Variants in CPZ observed in about 807,000 individuals in gnomAD.
CPZ encodes VEZT/CPZ fusion.
A neutral mutation model predicts 61.8 loss-of-function variants in CPZ; 103 were observed. The ratio of observed to expected loss-of-function variants is 1.67; its 90% CI spans 1.42 to 1.96. The LOEUF is 1.96. Among genes scored for constraint, CPZ ranks in the 30% most tolerant of loss-of-function variants. The pLI is 0.00. For synonymous variants in CPZ, 551 were observed against 373.7 expected (o/e 1.47, Z -5.47); for missense variants, 1,461 against 914.9 (o/e 1.60, Z -7.70).
rs966095892 is a variant in CPZ at position 8,598,139 on chromosome 4, C to T, written c.89-1314C>T. ...TTGTCATCTGTGATGAGGATGGAAACGGGAGCTCTCCTAGGAGTGCCTGGT... is the reference window on the plus strand; with the variant it reads ...TTGTCATCTGTGATGAGGATGGAAATGGGAGCTCTCCTAGGAGTGCCTGGT... On this transcript the variant is annotated intron_variant, in intron 1 of 10. Transcript: ENST00000360986. 3.9e-5 allele frequency among the ~76,000 whole-genome samples: 6 copies of T among 152,316 alleles called. No homozygotes were observed. In the South Asian group the frequency reaches 6.2e-4, roughly 16 times the overall value.
intron 7 of CPZ, among the ~76,000 whole-genome samples, chr4:8,609,150 AC>A (rs1715361861): frequency 1.4e-5 from 2 of 142,492 alleles, no homozygotes; most frequent in African/African-American, 2.8e-5. Context: ...TCATTCACCC[AC>A]TCCCTCACTC....
chr4:8,613,341 A>G (rs1334890911), intron 8 of CPZ, among the ~76,000 whole-genome samples: 1 of 152,180 alleles, frequency 6.6e-6, no homozygotes, highest in Non-Finnish European at 1.5e-5. Flanking sequence ...CATGTTGGCC[A>G]GGATGGTCTT....
intron 7 of CPZ, chr4:8,611,212 T>A (rs1318785769): frequency 2.2e-6 from 1 of 456,032 alleles, no homozygotes; most frequent in Non-Finnish European, 4.4e-6. Context: ...GGGGCCCTGA[T>A]GAGCTCATGC....
intron 7 of CPZ, among the ~76,000 whole-genome samples, chr4:8,611,478 C>T (rs1447282938): frequency 6.6e-6 from 1 of 152,068 alleles, no homozygotes; most frequent in Non-Finnish European, 1.5e-5. Flanking sequence ...GCAGTGGAAG[C>T]TGGAGGGTGG....
At chr4:8,614,254 G>A in intron 8 of CPZ, 105 bp from the exon 9 acceptor site, 1 of 1,468,838 alleles carries the variant, frequency 6.8e-7, no homozygotes, top group Non-Finnish European at 9.1e-7. Flanking sequence ...CTGCGCGGCT[G>A]ACACCCCGGC....
chr4:8,600,045 T>C (rs1055435210), intron 2 of CPZ: 8 of 152,446 alleles, frequency 5.2e-5, no homozygotes, highest in African/African-American at 1.9e-4. Flanking sequence ...GGGCATCTGG[T>C]GTATTCTAAG....
rs148255974 is a variant in CPZ, at chr4:8,614,490, G to A, written c.1495G>A (p.Val499Met). Residue 499 changes from valine to methionine, a missense_variant, in exon 9 of 11, where the codon GTG becomes ATG. Physicochemically the swap from Val to Met is conservative, Grantham distance 21 (BLOSUM62 1). Coordinates refer to ENST00000360986, the MANE Select transcript of CPZ (RefSeq NM_001014447.3). ...QHNKESLLNF[V>M]ETVHRGIKGV... ...CAACAAGGAGTCACTCCTGAATTTC[G>A]TGGAGACGGTGAGTTCTGACGGTCT... is the stretch of plus-strand genomic sequence containing the variant. 2.8e-5 allele frequency: 45 copies of A among 1,613,252 alleles called. No homozygotes were observed. Among genetic ancestry groups the A allele is most frequent in the Middle Eastern group, 1.6e-4 (1 of 6,082 alleles).
chr4:8,597,235 TCACA>T lies in CPZ; in HGVS notation c.89-2215_89-2212del, dbSNP rs3834230. 2.6e-4 allele frequency among the ~76,000 whole-genome samples: 39 copies of T among 152,318 alleles called. No individual in the cohort carries two copies. In the East Asian group the frequency reaches 7.1e-3, roughly 28 times the overall value. The stretch of plus-strand genomic sequence containing the variant: ...TCAGGGCCCTGCACAGGATGGGTGC[TCACA>T]CAGGGCCCTGTGTGGATGCCAGCCT... On this transcript the variant is annotated intron_variant, in intron 1 of 10. Transcript: ENST00000360986.
rs111984893 is a variant in CPZ at position 8,617,953 on chromosome 4, C to T, written c.1504-476C>T. 1,046 of 166,468 alleles carry T rather than the reference C, an allele frequency of 6.3e-3. 15 individuals carry two copies. Among genetic ancestry groups the T allele is most frequent in the African/African-American group, 0.024 (1,008 of 41,808 alleles). 10.3% of individuals were successfully genotyped at this position (166,468 alleles called of 1,614,324 possible). A position where few individuals can be genotyped will look rare whatever the true frequency, so the allele number is the denominator to read the frequency against. ...CCAGGCAAGCAGTAAGAAGGCAGGG[C>T]GTGTTATACACGTGTACGATGAAGA... On this transcript the variant is annotated intron_variant, in intron 9 of 10. Coordinates refer to ENST00000360986, the MANE Select transcript of CPZ (RefSeq NM_001014447.3).
chr4:8,616,393 C>T (rs931190821), intron 9 of CPZ, among the ~76,000 whole-genome samples: 1 of 152,174 alleles, frequency 6.6e-6, no homozygotes, highest in African/African-American at 2.4e-5. Context: ...AAAATCCGTC[C>T]ACTGCAGGCT....
chr4:8,607,914 A>C (rs1000688075), intron 7 of CPZ, among the ~76,000 whole-genome samples: 6 of 152,100 alleles, frequency 3.9e-5, no homozygotes, highest in African/African-American at 1.4e-4. Context: ...CCCACCGTCC[A>C]CTGGGCCATT....
At chr4:8,594,289 G>C (rs989066135) in intron 1 of CPZ, among the ~76,000 whole-genome samples, 4 of 152,218 alleles carry the variant, frequency 2.6e-5, no homozygotes, top group African/African-American at 9.6e-5. Flanking sequence ...GTCACCTGCA[G>C]TGCAGGTCCC....
At chr4:8,600,396 A>G (rs1487065972) in intron 2 of CPZ, among the ~76,000 whole-genome samples, 3 of 152,236 alleles carry the variant, frequency 2.0e-5, no homozygotes, top group African/African-American at 7.2e-5. Flanking sequence ...GGGAAAGTCC[A>G]GCTGAGGAAA....
At chr4:8,611,087 T>TTCAC (rs61069089) in intron 7 of CPZ, 12,511 of 391,654 alleles carry the variant, frequency 0.032, 1,242 homozygotes, top group African/African-American at 0.23. Flanking sequence ...CATTCGCTCA[T>TTCAC]TCACTCACTC....
chr4:8,619,423 A>T lies in CPZ; in HGVS notation c.1765A>T (p.Lys589Ter), dbSNP rs752281732. Residue 589 changes from lysine (K) to a stop codon, truncating the protein, a stop_gained, in exon 11 of 11, where the codon AAG (lysine) becomes TAG (stop). Coordinates refer to ENST00000360986, the MANE Select transcript of CPZ (RefSeq NM_001014447.3). LOFTEE classifies it low-confidence loss of function (END_TRUNC). ...FILQPLGMGP[K>*]NFIHGLRRTG... is the part of the protein sequence containing the mutation. ...TCTGCAACCTCTGGGGATGGGACCCAAGAACTTTATTCATGGGCTGCGGAG... is the reference window on the plus strand; with the variant it reads ...TCTGCAACCTCTGGGGATGGGACCCTAGAACTTTATTCATGGGCTGCGGAG... The T allele has an allele frequency of 6.2e-7, 1 of 1,614,056 alleles. No individual in the cohort carries two copies. Among genetic ancestry groups the T allele is most frequent in the Non-Finnish European group, 8.5e-7 (1 of 1,179,974 alleles).
Position 8,607,323 on chromosome 4 carries a change from C to A in CPZ, c.1125C>A (p.Leu375=), listed in dbSNP as rs765332088. Residue 375 remains leucine, a synonymous_variant, in exon 7 of 11, where the codon CTC becomes CTA. Transcript: ENST00000360986. ...GGATGCAGACCATACCCTTTGTGCT[C>A]TCAGCCAGCCTTCATGGGGGCGACC... ...MKWMQTIPFV[L]SASLHGGDLV... 2 of 1,614,144 alleles carry A rather than the reference C, an allele frequency of 1.2e-6. No individual in the cohort carries two copies. Among genetic ancestry groups the A allele is most frequent in the Non-Finnish European group, 1.7e-6 (2 of 1,179,986 alleles).
rs1336004244 is a variant in CPZ at position 8,606,727 on chromosome 4, A to T, written c.907-10A>T. 6.2e-7 allele frequency: 1 copy of T among 1,614,088 alleles called. No individual in the cohort carries two copies. The highest frequency in any genetic ancestry group is 1.7e-5 in the Admixed American group (1 of 60,026). On this transcript the variant is annotated splice_polypyrimidine_tract_variant and intron_variant, in intron 5 of 10. Transcript: ENST00000360986. The stretch of plus-strand genomic sequence containing the variant: ...GACCCCACCCAGTCGGGGGTTGGCC[A>T]TGTTTTCAGGGTGCCGGCTACAACG...
chr4:8,611,596 T>C (rs1018529318), intron 7 of CPZ, among the ~76,000 whole-genome samples: 2 of 152,082 alleles, frequency 1.3e-5, no homozygotes, highest in African/African-American at 4.8e-5. Flanking sequence ...TTCATAGAAG[T>C]AGTTGGCTTT....
chr4:8,605,348 A>ATCCATCCATCCATCCC (rs770111375), intron 4 of CPZ, among the ~76,000 whole-genome samples: 1 of 132,246 alleles, frequency 7.6e-6, no homozygotes, highest in Admixed American at 7.2e-5. Context: ...CCATCCATCC[A>ATCCATCCATCCATCCC]TTTATTCATT....
Sources: allele counts gnomAD v4.1 joint callset (sites outside exome capture counted in the v4.1 genomes callset), GRCh38; gene constraint gnomAD v4.1.1; transcripts MANE v1.5; gene names NCBI Gene and HGNC (gene_info 2026-07-23, HGNC 2026-07-21).